SEMA3F: variants seen among roughly 807,000 people sequenced by gnomAD.
SEMA3F encodes semaphorin-3F.
SEMA3F carries 30 observed loss-of-function variants against 98.5 expected under a neutral mutation model. The ratio of observed to expected loss-of-function variants is 0.30; its 90% CI spans 0.23 to 0.41. SEMA3F has a LOEUF of 0.41. Among genes scored for constraint, SEMA3F ranks in the 10% least tolerant of loss-of-function variants. The pLI is 1.00. For synonymous variants in SEMA3F, 380 were observed against 444.8 expected, an observed-to-expected ratio of 0.85 and a Z score of 1.83; for missense variants, 866 against 1,119.3, an observed-to-expected ratio of 0.77 and a Z score of 3.23.
rs1288135363 is a variant in SEMA3F, at chr3:50,188,018, C to T, written c.2261C>T (p.Pro754Leu). 3 of 1,601,714 alleles carry T rather than the reference C, an allele frequency of 1.9e-6. No homozygotes were observed. The highest frequency in any genetic ancestry group is 2.6e-6 in the Non-Finnish European group (3 of 1,175,126). Residue 754 changes from proline to leucine, a missense_variant, in exon 19 of 19, where the codon CCC (proline) becomes CTC (leucine). Around this residue, in one of 3 missense-constraint regions of SEMA3F, gnomAD observed 245 missense variants for 260.5 expected, o/e 0.94. Transcript: ENST00000002829. The surrounding 1 kb of genome is among the most constrained non-coding windows in gnomAD (Gnocchi z 4.5). ...TGCCAGGGTTACTGGCGCCATGTGC[C>T]CCCCAGCCCCAGGGAGGCTCCAGGG... ...QYCQGYWRHV[P>L]PSPREAPGAP...
At chr3:50,169,797 A>G (rs1031797073) in intron 2 of SEMA3F, among the ~76,000 whole-genome samples, 5 of 152,160 alleles carry the variant, frequency 3.3e-5, no homozygotes, top group African/African-American at 1.2e-4. Context: ...GCCCCCACTG[A>G]TGCCACCTCA....
intron 6 of SEMA3F, 91 bp from the exon 7 acceptor site, chr3:50,176,677 G>A (rs1244167149): frequency 4.4e-6 from 4 of 911,090 alleles, no homozygotes; most frequent in African/African-American, 3.2e-5. Context: ...TATGCCTGGG[G>A]GCTCATTCTC....
In SEMA3F at chr3:50,182,553, G is replaced by A; in HGVS notation, c.764-91G>A. On this transcript the variant is annotated intron_variant, in intron 8 of 18. Transcript: ENST00000002829. This position sits in a 1 kb window ranked among gnomAD's most constrained non-coding sequence, Gnocchi z 4.5. ...TTTCTTATCTGGAGAGGAGTTGGGG[G>A]TGTTCTTGCACCTGGCTGGGGATTC... 6.3e-7 allele frequency: 1 copy of A among 1,578,668 alleles called. No homozygotes were observed. The highest frequency in any genetic ancestry group is 2.2e-5 in the East Asian group (1 of 44,458).
chr3:50,187,422 CAAA>C (rs901489365), intron 18 of SEMA3F, among the ~76,000 whole-genome samples: 7 of 58,930 alleles, frequency 1.2e-4, no homozygotes, highest in Non-Finnish European at 1.6e-4. Flanking sequence ...GACCTTGTCT[CAAA>C]AAAAAAAAAA....
intron 6 of SEMA3F, among the ~76,000 whole-genome samples, chr3:50,175,840 G>A (rs1035075926): frequency 6.6e-6 from 1 of 152,162 alleles, no homozygotes; most frequent in South Asian, 2.1e-4. Context: ...AGGCGGTTCC[G>A]TGTGCTGGCG....
At chr3:50,169,484 ATCCT>A (rs897686572) in intron 2 of SEMA3F, among the ~76,000 whole-genome samples, 25 of 152,090 alleles carry the variant, frequency 1.6e-4, no homozygotes, top group Non-Finnish European at 2.6e-4. Context: ...TGATGGGAAA[ATCCT>A]TCCCGGATGT....
rs1698319243 is a variant in SEMA3F, at chr3:50,164,210, C to T, written c.112+4476C>T. On this transcript the variant is annotated intron_variant, in intron 2 of 18. Coordinates refer to ENST00000002829, the MANE Select transcript of SEMA3F (RefSeq NM_004186.5). ...GGCCTCCGCAGCACAGGCCTTGTCT[C>T]TGGTTCCCTGGCATGATGCCCGCCC... Among the ~76,000 whole-genome samples the T allele has an allele frequency of 2.0e-5, 3 of 152,232 alleles. No homozygotes were observed. In the South Asian group the frequency reaches 6.2e-4, roughly 31 times the overall value.
intron 2 of SEMA3F, among the ~76,000 whole-genome samples, chr3:50,165,881 G>A (rs1575381324): frequency 2.6e-5 from 4 of 152,316 alleles, no homozygotes; most frequent in Non-Finnish European, 5.9e-5. Flanking sequence ...TGGGGTCTGG[G>A]CAGTGGCTGC....
chr3:50,169,591 C>T (rs1186894469), intron 2 of SEMA3F, among the ~76,000 whole-genome samples: 23 of 152,216 alleles, frequency 1.5e-4, no homozygotes, highest in Non-Finnish European at 1.6e-4. Context: ...CCCTTCCTCC[C>T]CCTAAGGTCA....
chr3:50,168,556 C>T (rs906813286), intron 2 of SEMA3F, among the ~76,000 whole-genome samples: 2 of 152,166 alleles, frequency 1.3e-5, no homozygotes, highest in African/African-American at 2.4e-5. Context: ...TCCCTGCCCC[C>T]CCGCTTAGCT....
intron 2 of SEMA3F, among the ~76,000 whole-genome samples, chr3:50,164,079 G>C (rs1698314145): frequency 6.6e-6 from 1 of 152,222 alleles, no homozygotes; most frequent in South Asian, 2.1e-4. Flanking sequence ...GTGCTTGCTG[G>C]AGAACCTGCC....
At chr3:50,176,678 GC>G in intron 6 of SEMA3F, 89 bp from the exon 7 acceptor site, 2 of 918,100 alleles carry the variant, frequency 2.2e-6, no homozygotes, top group Non-Finnish European at 3.6e-6. Flanking sequence ...ATGCCTGGGG[GC>G]TCATTCTCAC....
chr3:50,182,869 G>A lies in SEMA3F; in HGVS notation c.904-35G>A. ...CTCCAGCCAGGGCTTGGGGTCAAGA[G>A]CTGATCTGACCCGGCCTCTTGCCCC... On this transcript the variant is annotated intron_variant, in intron 9 of 18. Coordinates refer to ENST00000002829, the MANE Select transcript of SEMA3F (RefSeq NM_004186.5). This position sits in a 1 kb window ranked among gnomAD's most constrained non-coding sequence, Gnocchi z 4.5. 2 of 1,611,066 alleles carry A rather than the reference G, an allele frequency of 1.2e-6. No homozygotes were observed. The highest frequency in any genetic ancestry group is 1.3e-5 in the African/African-American group (1 of 75,024).
intron 2 of SEMA3F, among the ~76,000 whole-genome samples, chr3:50,160,445 C>G (rs1468453880): frequency 6.6e-6 from 1 of 152,180 alleles, no homozygotes; most frequent in Non-Finnish European, 1.5e-5. Context: ...CACCATTGCA[C>G]TTAACCCACT....
At chr3:50,186,408 A>C in intron 17 of SEMA3F, 60 bp downstream of exon 17, 1 of 1,550,218 alleles carries the variant, frequency 6.5e-7, no homozygotes. Context: ...CACGCAGCCC[A>C]CGAAGCTGCT....
chr3:50,182,566 T>A lies in SEMA3F; in HGVS notation c.764-78T>A. 6.3e-7 allele frequency: 1 copy of A among 1,586,762 alleles called. No individual in the cohort carries two copies. ...GAGGAGTTGGGGGTGTTCTTGCACC[T>A]GGCTGGGGATTCTGTTGGAGAACAT... On this transcript the variant is annotated intron_variant, in intron 8 of 18. Transcript: ENST00000002829. This position sits in a 1 kb window ranked among gnomAD's most constrained non-coding sequence, Gnocchi z 4.5.
chr3:50,186,664 C>G lies in SEMA3F; in HGVS notation c.1865C>G (p.Ala622Gly), dbSNP rs1387343252. The G allele has an allele frequency of 1.9e-6, 3 of 1,609,506 alleles. No individual in the cohort carries two copies. Among genetic ancestry groups the G allele is most frequent in the East Asian group, 2.2e-5 (1 of 44,728 alleles). The change falls in exon 18 of 19, where the codon GCC becomes GGC. Residue 622 changes from alanine to glycine, a missense_variant. Transcript: ENST00000002829. ...SVQYGVAGSAAFLECQPRSPQ... is the reference protein window; with the variant it reads ...SVQYGVAGSAGFLECQPRSPQ... Reference sequence around the variant, plus strand: ...CAGTATGGCGTGGCCGGCAGCGCAGCCTTCCTTGAGTGCCAGCCCCGCTCG... The same window carrying G: ...CAGTATGGCGTGGCCGGCAGCGCAGGCTTCCTTGAGTGCCAGCCCCGCTCG...
intron 7 of SEMA3F, among the ~76,000 whole-genome samples, chr3:50,180,335 T>C (rs1698971915): frequency 6.6e-6 from 1 of 152,022 alleles, no homozygotes; most frequent in South Asian, 2.1e-4. Context: ...GGCTAATTTT[T>C]ATATTTTTAG....
At chr3:50,162,451 G>A (rs1469464458) in intron 2 of SEMA3F, among the ~76,000 whole-genome samples, 2 of 152,230 alleles carry the variant, frequency 1.3e-5, no homozygotes, top group African/African-American at 4.8e-5. Context: ...AGCAGGTGAG[G>A]TGTTTGTTCA....
Sources: allele counts gnomAD v4.1 joint callset (sites outside exome capture counted in the v4.1 genomes callset), GRCh38; gene constraint gnomAD v4.1.1; regional missense constraint gnomAD v4.1.1; non-coding constraint Gnocchi (gnomAD v3.1); transcripts MANE v1.5; gene names NCBI Gene and HGNC (gene_info 2026-07-23, HGNC 2026-07-21).